The following FBLN1 variants were observed in gnomAD, a reference collection of about 807,000 sequenced individuals.
The protein encoded by FBLN1 is fibulin 1.
A neutral mutation model predicts 89.7 loss-of-function variants in FBLN1; 34 were observed. That is an observed-to-expected ratio of 0.38 (90% confidence interval 0.29 to 0.50). The LOEUF (loss-of-function observed/expected upper bound fraction) is 0.50. FBLN1 is among the 20% of genes least tolerant of loss of function. The probability of loss-of-function intolerance (pLI) is 0.92; values close to 1 mark genes in which losing one functional copy is unlikely to be tolerated. For synonymous variants in FBLN1, 393 were observed against 391.3 expected (o/e 1.00, Z -0.05); for missense variants, 777 against 988.1 (o/e 0.79, Z 2.86).
chr22:45,539,193 CCTT>C (rs963091818), intron 8 of FBLN1, among the ~76,000 whole-genome samples: 8 of 130,554 alleles, frequency 6.1e-5, no homozygotes, highest in Non-Finnish European at 9.6e-5. Context: ...CCCTTTCCCT[CCTT>C]CTTTTCTTCT....
Position 45,563,984 on chromosome 22 carries a change from CA to C in FBLN1, c.1698-10524del, listed in dbSNP as rs1314448738. 6.6e-6 allele frequency among the ~76,000 whole-genome samples: 1 copy of C among 152,208 alleles called. No individual in the cohort carries two copies. Among genetic ancestry groups the C allele is most frequent in the Non-Finnish European group, 1.5e-5 (1 of 68,032 alleles). Reference sequence around the variant, plus strand: ...ATCCTGGCCCTGTGCCGGGGGGAGGCAAAGGACCACACAATACATGTGATAC... The same window carrying C: ...ATCCTGGCCCTGTGCCGGGGGGAGGCAAGGACCACACAATACATGTGATAC... On this transcript the variant is annotated intron_variant, in intron 14 of 16. Transcript: ENST00000327858. This position sits in a 1 kb window ranked among gnomAD's most constrained non-coding sequence, Gnocchi z 5.7.
chr22:45,505,103 G>A (rs1448454685), intron 1 of FBLN1, among the ~76,000 whole-genome samples: 2 of 152,208 alleles, frequency 1.3e-5, no homozygotes, highest in East Asian at 1.9e-4. Context: ...GGAGAAGGGC[G>A]CTGATCTTTC....
chr22:45,554,722 C>A (rs1045492804), intron 14 of FBLN1, among the ~76,000 whole-genome samples: 4 of 152,234 alleles, frequency 2.6e-5, no homozygotes, highest in African/African-American at 9.6e-5. Flanking sequence ...GCCCAGATGG[C>A]AGGGCTTCCT....
intron 3 of FBLN1, among the ~76,000 whole-genome samples, 190 bp from the exon 4 acceptor site, chr22:45,527,657 G>A (rs2088347232): frequency 6.6e-6 from 1 of 152,136 alleles, no homozygotes; most frequent in South Asian, 2.1e-4. Flanking sequence ...TAGATGATTT[G>A]GAGTAGGGGG....
intron 1 of FBLN1, chr22:45,517,483 C>A: frequency 2.2e-6 from 1 of 462,944 alleles, no homozygotes; most frequent in South Asian, 1.6e-5. Context: ...GCATGGGGCA[C>A]AAGGGCCTGT....
At chr22:45,567,993 T>C (rs1210126271) in intron 14 of FBLN1, among the ~76,000 whole-genome samples, 2 of 152,122 alleles carry the variant, frequency 1.3e-5, no homozygotes, top group Admixed American at 1.3e-4. Flanking sequence ...TTGGGAGCTT[T>C]TGAAACTTAG....
rs1377334041 is a variant in FBLN1 at position 45,572,121 on chromosome 22, T to G, written c.1698-2390T>G. ...TCCAGCCTGGGTGACAGAGCGAGACTCATCTCAAAAAATATATAAAAATAA... is the reference window on the plus strand; with the variant it reads ...TCCAGCCTGGGTGACAGAGCGAGACGCATCTCAAAAAATATATAAAAATAA... On this transcript the variant is annotated intron_variant, in intron 14 of 16. Transcript: ENST00000327858. This position sits in a 1 kb window ranked among gnomAD's most constrained non-coding sequence, Gnocchi z 5.8. Among the ~76,000 whole-genome samples, 1 of 151,876 alleles carries G rather than the reference T, an allele frequency of 6.6e-6. No homozygotes were observed. The highest frequency in any genetic ancestry group is 1.9e-4 in the East Asian group (1 of 5,186).
intron 4 of FBLN1, among the ~76,000 whole-genome samples, chr22:45,529,874 AT>A (rs1244654025): frequency 6.6e-6 from 1 of 152,196 alleles, no homozygotes; most frequent in African/African-American, 2.4e-5. Context: ...CTCAAAAAAA[AT>A]AATAAAATAA....
chr22:45,580,661 G>A lies in FBLN1; in HGVS notation c.1972+3553G>A, dbSNP rs897979338. Among the ~76,000 whole-genome samples the A allele has an allele frequency of 1.3e-5, 2 of 152,212 alleles. No homozygotes were observed. Among genetic ancestry groups the A allele is most frequent in the Non-Finnish European group, 2.9e-5 (2 of 68,034 alleles). The stretch of plus-strand genomic sequence containing the variant: ...CCGGTCTTCCCCAGACACCACACCC[G>A]CCCAGAGCCGGAGCCCAGGGTTGAC... On this transcript the variant is annotated intron_variant, in intron 16 of 16. Transcript: ENST00000327858. The surrounding 1 kb of genome is among the most constrained non-coding windows in gnomAD (Gnocchi z 8.6).
chr22:45,576,089 C>T lies in FBLN1; in HGVS notation c.1841-888C>T, dbSNP rs951265573. 6.6e-6 allele frequency among the ~76,000 whole-genome samples: 1 copy of T among 152,150 alleles called. No homozygotes were observed. The highest frequency in any genetic ancestry group is 2.4e-5 in the African/African-American group (1 of 41,412). ...CTCAGCACGTGGTTGCCCAAGGAGC[C>T]GTCCCCAGTCCCAGTCCCCCTAGGT... On this transcript the variant is annotated intron_variant, in intron 15 of 16. Transcript: ENST00000327858. The surrounding 1 kb of genome is among the most constrained non-coding windows in gnomAD (Gnocchi z 5.2).
chr22:45,592,227 T>G (rs2089144416), intron 16 of FBLN1, among the ~76,000 whole-genome samples: 2 of 152,204 alleles, frequency 1.3e-5, no homozygotes, highest in African/African-American at 4.8e-5. Context: ...ACATAGGGTC[T>G]CTCTGTCTCC....
chr22:45,599,818 G>A (rs1037093472), intron 16 of FBLN1, among the ~76,000 whole-genome samples: 1 of 152,200 alleles, frequency 6.6e-6, no homozygotes, highest in Non-Finnish European at 1.5e-5. Flanking sequence ...TCGGGAGGCT[G>A]AGGCAGGAGA....
intron 1 of FBLN1, among the ~76,000 whole-genome samples, chr22:45,505,573 G>A (rs966487274): frequency 1.3e-5 from 2 of 152,206 alleles, no homozygotes; most frequent in Non-Finnish European, 2.9e-5. Context: ...GCACGCGGCT[G>A]ACTCATCTTC....
At chr22:45,569,654 G>GAA (rs896584276) in intron 14 of FBLN1, among the ~76,000 whole-genome samples, 1 of 26,540 alleles carries the variant, frequency 3.8e-5, no homozygotes, top group African/African-American at 1.1e-4. Context: ...AGAAGAAGAA[G>GAA]AAGAAGAAGA....
intron 4 of FBLN1, among the ~76,000 whole-genome samples, chr22:45,529,983 C>T (rs779288002): frequency 1.3e-5 from 2 of 152,256 alleles, no homozygotes; most frequent in Admixed American, 6.5e-5. Context: ...CTGGGTGACA[C>T]GGAACCTTTC....
chr22:45,509,678 G>A (rs941241401), intron 1 of FBLN1, among the ~76,000 whole-genome samples: 1 of 152,126 alleles, frequency 6.6e-6, no homozygotes, highest in Non-Finnish European at 1.5e-5. Flanking sequence ...CAGGCGTGGT[G>A]GTAGGCGCCT....
intron 2 of FBLN1, among the ~76,000 whole-genome samples, chr22:45,520,856 C>T (rs1461510673): frequency 6.6e-6 from 1 of 152,080 alleles, no homozygotes; most frequent in African/African-American, 2.4e-5. Flanking sequence ...TGCTCTGTTG[C>T]CCAGGCTGGG....
At chr22:45,526,319 G>A (rs904420306) in intron 3 of FBLN1, among the ~76,000 whole-genome samples, 8 of 152,180 alleles carry the variant, frequency 5.3e-5, no homozygotes, top group East Asian at 1.9e-4. Flanking sequence ...ACTCAGGACC[G>A]CTATGGCCGT....
Position 45,525,347 on chromosome 22 carries a change from G to A in FBLN1, c.186-196G>A, listed in dbSNP as rs115658858. Among the ~76,000 whole-genome samples the A allele has an allele frequency of 3.6e-3, 545 of 152,350 alleles. 5 individuals carry two copies. Among genetic ancestry groups the A allele is most frequent in the African/African-American group, 0.012 (517 of 41,582 alleles). ...TGGCATTACTGGTGTGAACCACTGT[G>A]CCCGGCCAAGCCTTTCTAACTAAAT... is the stretch of plus-strand genomic sequence containing the variant. On this transcript the variant is annotated intron_variant, in intron 2 of 16. Coordinates refer to ENST00000327858, the MANE Select transcript of FBLN1 (RefSeq NM_006486.3).
Sources: allele counts gnomAD v4.1 joint callset (sites outside exome capture counted in the v4.1 genomes callset), GRCh38; gene constraint gnomAD v4.1.1; non-coding constraint Gnocchi (gnomAD v3.1); transcripts MANE v1.5; gene names NCBI Gene and HGNC (gene_info 2026-07-23, HGNC 2026-07-21).